The following PPP1R9A variants were observed in gnomAD, a reference collection of about 807,000 sequenced individuals.
PPP1R9A encodes the protein protein phosphatase 1 regulatory subunit 9A.
Under a neutral mutation model 141.9 loss-of-function variants are expected in PPP1R9A, and 59 were observed. The ratio of observed to expected loss-of-function variants is 0.42; its 90% CI spans 0.34 to 0.52. The LOEUF (loss-of-function observed/expected upper bound fraction) is 0.52. Ranked by LOEUF, PPP1R9A falls within the 20% of genes least tolerant of loss-of-function variation. The pLI, the probability that PPP1R9A is intolerant of heterozygous loss-of-function variation, is 0.10. For synonymous variants in PPP1R9A, 500 were observed against 569.7 expected, an observed-to-expected ratio of 0.88 and a Z score of 1.74; for missense variants, 1,444 against 1,611.9, an observed-to-expected ratio of 0.90 and a Z score of 1.78.
chr7:95,129,468 A>G (rs1277440253), intron 4 of PPP1R9A, among the ~76,000 whole-genome samples: 2 of 152,182 alleles, frequency 1.3e-5, no homozygotes, highest in Non-Finnish European at 2.9e-5. Flanking sequence ...TCCTGTATAA[A>G]TTACCCAGTC....
At chr7:95,282,688 T>G (rs1187790643) in intron 16 of PPP1R9A, among the ~76,000 whole-genome samples, 1 of 152,032 alleles carries the variant, frequency 6.6e-6, no homozygotes, top group Non-Finnish European at 1.5e-5. Flanking sequence ...TCACCTAGAG[T>G]GTAGACCATG....
chr7:95,005,481 T>A (rs1243325423), intron 2 of PPP1R9A, among the ~76,000 whole-genome samples: 1 of 152,146 alleles, frequency 6.6e-6, no homozygotes, highest in African/African-American at 2.4e-5. Context: ...AGATATAAAA[T>A]GCATTAAGAA....
chr7:95,208,972 A>AAC (rs1791489772), intron 7 of PPP1R9A, among the ~76,000 whole-genome samples: 1 of 149,840 alleles, frequency 6.7e-6, no homozygotes, highest in Non-Finnish European at 1.5e-5. Flanking sequence ...AAAAAAAAAA[A>AAC]AAAAAACTCT....
chr7:95,131,056 A>T (rs918818042), intron 4 of PPP1R9A, among the ~76,000 whole-genome samples: 4 of 152,166 alleles, frequency 2.6e-5, no homozygotes, highest in African/African-American at 4.8e-5. Context: ...TTGAAATGTC[A>T]GGACATGTGA....
intron 4 of PPP1R9A, among the ~76,000 whole-genome samples, chr7:95,152,099 G>A (rs1046777611): frequency 8.6e-5 from 13 of 151,590 alleles, no homozygotes; most frequent in African/African-American, 2.7e-4. Flanking sequence ...CTACAGGTGC[G>A]TGCCACCACG....
intron 2 of PPP1R9A, among the ~76,000 whole-genome samples, chr7:94,981,187 G>A (rs539064286): frequency 1.3e-5 from 2 of 152,212 alleles, no homozygotes; most frequent in African/African-American, 4.8e-5. Context: ...GTTGAGTAGG[G>A]TACCCTTGTT....
chr7:95,061,212 G>C (rs1383034809), intron 2 of PPP1R9A, among the ~76,000 whole-genome samples: 7 of 152,162 alleles, frequency 4.6e-5, no homozygotes, highest in Admixed American at 3.9e-4. Context: ...TCCTGGGCTT[G>C]TACTGGGACT....
chr7:94,928,839 ACT>A (rs761609714), intron 2 of PPP1R9A, among the ~76,000 whole-genome samples: 20 of 152,076 alleles, frequency 1.3e-4, no homozygotes, highest in Non-Finnish European at 2.5e-4. Flanking sequence ...GATGACAGAA[ACT>A]CTTTCAACAA....
chr7:94,997,397 T>C (rs1237463276), intron 2 of PPP1R9A, among the ~76,000 whole-genome samples: 1 of 152,178 alleles, frequency 6.6e-6, no homozygotes, highest in Admixed American at 6.5e-5. Context: ...TCTTTTAAAT[T>C]TTTTGAAATT....
At chr7:95,213,181 A>G (rs544138206) in intron 7 of PPP1R9A, among the ~76,000 whole-genome samples, 10 of 152,000 alleles carry the variant, frequency 6.6e-5, no homozygotes, top group African/African-American at 1.9e-4. Flanking sequence ...TATCTTTCCA[A>G]TGATGTTGGT....
intron 2 of PPP1R9A, among the ~76,000 whole-genome samples, chr7:94,946,565 G>C (rs1175924779): frequency 6.6e-6 from 1 of 151,894 alleles, no homozygotes; most frequent in Non-Finnish European, 1.5e-5. Flanking sequence ...ATACTCATTT[G>C]CATATTTTAT....
At chr7:95,167,471 T>C (rs987244235) in intron 5 of PPP1R9A, among the ~76,000 whole-genome samples, 1 of 152,150 alleles carries the variant, frequency 6.6e-6, no homozygotes, top group African/African-American at 2.4e-5. Flanking sequence ...GAAAGCCTTT[T>C]CTCTAAGAGC....
intron 2 of PPP1R9A, among the ~76,000 whole-genome samples, chr7:95,048,811 C>T (rs1810395295): frequency 1.3e-5 from 2 of 152,088 alleles, no homozygotes; most frequent in Non-Finnish European, 2.9e-5. Context: ...TCCGAAAGTG[C>T]TGGGATTACA....
At chr7:94,949,979 T>C (rs900826890) in intron 2 of PPP1R9A, among the ~76,000 whole-genome samples, 2 of 151,626 alleles carry the variant, frequency 1.3e-5, no homozygotes, top group African/African-American at 4.8e-5. Context: ...CAGAAGCAGC[T>C]ATTCTCAAAC....
At chr7:94,923,748 G>A (rs928095225) in intron 2 of PPP1R9A, among the ~76,000 whole-genome samples, 1 of 152,148 alleles carries the variant, frequency 6.6e-6, no homozygotes, top group Non-Finnish European at 1.5e-5. Context: ...AAAAGCTTTG[G>A]TAGATAATGT....
At chr7:95,064,774 A>G (rs969492493) in intron 2 of PPP1R9A, among the ~76,000 whole-genome samples, 3 of 152,224 alleles carry the variant, frequency 2.0e-5, no homozygotes, top group African/African-American at 7.2e-5. Context: ...TAAATTATGG[A>G]ATAACCTGTG....
intron 2 of PPP1R9A, among the ~76,000 whole-genome samples, chr7:95,015,866 A>G (rs927247177): frequency 6.6e-6 from 1 of 152,044 alleles, no homozygotes; most frequent in Non-Finnish European, 1.5e-5. Context: ...CCTGGGCAAC[A>G]TGGTGAGACC....
chr7:94,935,627 T>G (rs77423271), intron 2 of PPP1R9A, among the ~76,000 whole-genome samples: 2,061 of 152,306 alleles, frequency 0.014, 53 homozygotes, highest in African/African-American at 0.048. Context: ...ACAGAATTAT[T>G]CTTTTGAATT....
intron 2 of PPP1R9A, among the ~76,000 whole-genome samples, chr7:94,969,979 A>G (rs571524834): frequency 1.2e-4 from 19 of 152,036 alleles, no homozygotes; most frequent in Middle Eastern, 3.2e-3. Context: ...AGCCTCAGTA[A>G]TGGTCGACAC....
Sources: gnomAD v4.1 joint callset for allele counts (sites outside exome capture counted in the v4.1 genomes callset) on GRCh38, gnomAD v4.1.1 for gene constraint, MANE v1.5 for transcripts, NCBI Gene and HGNC (gene_info 2026-07-23, HGNC 2026-07-21) for gene names.